PCDHA11: variants seen among roughly 807,000 people sequenced by gnomAD.
PCDHA11 encodes the protein protocadherin alpha 11.
In PCDHA11, 61 loss-of-function variants were observed where a neutral mutation model predicts 70.3. That is an observed-to-expected ratio of 0.87 (90% CI 0.71 to 1.07). PCDHA11 has a LOEUF of 1.07. Among genes scored for constraint, PCDHA11 ranks in the 50% least tolerant of loss-of-function variants. The pLI, the probability that PCDHA11 is intolerant of heterozygous loss-of-function variation, is 0.00. For missense variants in PCDHA11, 1,324 were observed against 1,237.5 expected (o/e 1.07, Z -1.05); for synonymous variants, 633 against 555.1 (o/e 1.14, Z -1.97).
In PCDHA11 at chr5:140,869,428, A is replaced by T; in HGVS notation, c.325A>T (p.Ile109Phe). 6.2e-7 allele frequency: 1 copy of T among 1,614,214 alleles called. No individual in the cohort carries two copies. The highest frequency in any genetic ancestry group is 8.5e-7 in the Non-Finnish European group (1 of 1,180,040). ...GGAGTGCAGCATCCACCTGGAGGTG[A>T]TCGTGGACAGGCCGCTGCAGGTTTT... ...SAECSIHLEV[I>F]VDRPLQVFHV... The change falls in exon 1 of 4, where the codon ATC becomes TTC. Residue 109 changes from isoleucine to phenylalanine, a missense_variant. Coordinates refer to ENST00000398640, the MANE Select transcript of PCDHA11 (RefSeq NM_018902.5).
At chr5:140,979,179 G>T in intron 2 of PCDHA11, 172 bp downstream of exon 2, 1 of 936,772 alleles carries the variant, frequency 1.1e-6, no homozygotes, top group Middle Eastern at 5.5e-4. Flanking sequence ...ATCGCAAATG[G>T]TCAGTGCCAG....
In PCDHA11 at chr5:140,982,542, A is replaced by T; in HGVS notation, c.2518A>T (p.Thr840Ser). 6.2e-7 allele frequency: 1 copy of T among 1,614,210 alleles called. No individual in the cohort carries two copies. Among genetic ancestry groups the T allele is most frequent in the Non-Finnish European group, 8.5e-7 (1 of 1,180,042 alleles). The change falls in exon 3 of 4, where the codon ACA becomes TCA. Residue 840 changes from threonine (T) to serine (S), a missense_variant. Transcript: ENST00000398640. ...AGGAGGGCCTGATCAGCAGTGGCCA[A>T]CAGTATCCAGTGCAACACCAGGTAA... is the stretch of plus-strand genomic sequence containing the variant. The part of the protein sequence containing the change: ...GPGGPDQQWP[T>S]VSSATPEPEA...
At chr5:140,973,586 C>T (rs1207651483) in intron 1 of PCDHA11, among the ~76,000 whole-genome samples, 2 of 152,176 alleles carry the variant, frequency 1.3e-5, no homozygotes, top group African/African-American at 4.8e-5. Context: ...GACTGCTGAG[C>T]CAGATGGAAT....
chr5:140,943,257 C>CAAAAA (rs1238620023), intron 1 of PCDHA11, among the ~76,000 whole-genome samples: 3 of 77,348 alleles, frequency 3.9e-5, no homozygotes, highest in Non-Finnish European at 5.0e-5. Context: ...GACTCTGTCT[C>CAAAAA]AAAAAAAAAA....
chr5:140,926,537 T>G, intron 1 of PCDHA11: 10 of 211,562 alleles, frequency 4.7e-5, no homozygotes, highest in Non-Finnish European at 7.4e-5. Flanking sequence ...GCAGCCAGCG[T>G]GGTGGTCGAG....
rs781810947 is a variant in PCDHA11 at position 140,869,346 on chromosome 5, T to G, written c.243T>G (p.Asn81Lys). 4.3e-6 allele frequency: 7 copies of G among 1,613,936 alleles called. No individual in the cohort carries two copies. Among genetic ancestry groups the G allele is most frequent in the East Asian group, 2.2e-5 (1 of 44,892 alleles). ...HGDLLEVNLQ[N>K]GILFVNSRID... ...ACCTTCTGGAGGTAAATCTGCAGAA[T>G]GGCATTTTGTTTGTGAATTCTCGGA... Residue 81 changes from asparagine to lysine, a missense_variant, in exon 1 of 4, where the codon AAT becomes AAG. Asn to Lys is a moderately conservative substitution (Grantham distance 94). Transcript: ENST00000398640.
intron 1 of PCDHA11, among the ~76,000 whole-genome samples, chr5:140,906,606 G>A (rs2072783004): frequency 6.6e-6 from 1 of 152,208 alleles, no homozygotes; most frequent in Non-Finnish European, 1.5e-5. Context: ...TACTCATTCT[G>A]TATTCCCTTT....
rs782184692 is a variant in PCDHA11 at position 140,871,122 on chromosome 5, G to A, written c.2019G>A (p.Gln673=). Residue 673 remains glutamine, a synonymous_variant, in exon 1 of 4, where the codon CAG becomes CAA. Coordinates refer to ENST00000398640, the MANE Select transcript of PCDHA11 (RefSeq NM_018902.5). ...TGGTGTCGTTGGTGGAGAGCGGACA[G>A]GCGCCAAAGGCCTCTTCCCGGACTT... ...TVLVSLVESG[Q]APKASSRTLA... is the part of the protein sequence containing the mutation. 2 of 1,613,344 alleles carry A rather than the reference G, an allele frequency of 1.2e-6. No homozygotes were observed. The highest frequency in any genetic ancestry group is 2.2e-5 in the South Asian group (2 of 91,074).
chr5:140,981,845 T>C (rs184071298), intron 2 of PCDHA11, among the ~76,000 whole-genome samples: 129 of 152,310 alleles, frequency 8.5e-4, no homozygotes, highest in Middle Eastern at 3.4e-3. Flanking sequence ...TCCCAGTTTG[T>C]ATCTCACTCC....
chr5:140,875,808 G>A (rs1554167962), intron 1 of PCDHA11: 1 of 1,614,226 alleles, frequency 6.2e-7, no homozygotes, highest in South Asian at 1.1e-5. Flanking sequence ...TCGTGGACAG[G>A]CCGCTGCAGG....
intron 1 of PCDHA11, among the ~76,000 whole-genome samples, chr5:140,961,280 CT>C (rs2153727915): frequency 6.6e-6 from 1 of 152,104 alleles, no homozygotes; most frequent in Admixed American, 6.5e-5. Flanking sequence ...TACCATGGCT[CT>C]GTTTCTTGAG....
chr5:140,960,849 A>G (rs1347970743), intron 1 of PCDHA11, among the ~76,000 whole-genome samples: 10 of 152,220 alleles, frequency 6.6e-5, no homozygotes, highest in African/African-American at 2.2e-4. Context: ...TTTAATGGCA[A>G]CTATAAGCCA....
chr5:140,950,100 A>G (rs964595718), intron 1 of PCDHA11, among the ~76,000 whole-genome samples: 1 of 151,910 alleles, frequency 6.6e-6, no homozygotes, highest in Non-Finnish European at 1.5e-5. Flanking sequence ...CATTTGTATT[A>G]AATCTCATAC....
chr5:140,993,266 T>G (rs1049781348), intron 3 of PCDHA11, among the ~76,000 whole-genome samples: 1 of 152,182 alleles, frequency 6.6e-6, no homozygotes, highest in Non-Finnish European at 1.5e-5. Flanking sequence ...AATTAGCTTC[T>G]TTGGTCTTTT....
chr5:141,001,842 A>G (rs574186951), intron 3 of PCDHA11, among the ~76,000 whole-genome samples: 108 of 152,288 alleles, frequency 7.1e-4, no homozygotes, highest in Non-Finnish European at 1.3e-3. Context: ...GGAGACAGAG[A>G]GAGAGGTTGA....
At chr5:140,924,906 T>A (rs199645977) in intron 1 of PCDHA11, among the ~76,000 whole-genome samples, 5,369 of 55,724 alleles carry the variant, frequency 0.096, 112 homozygotes, top group Non-Finnish European at 0.11. Context: ...AAAAAAAAAA[T>A]AAAATAAAAT....
At chr5:140,877,007 C>T in intron 1 of PCDHA11, 2 of 1,612,430 alleles carry the variant, frequency 1.2e-6, no homozygotes, top group Non-Finnish European at 1.7e-6. Context: ...TCGGTGCACG[C>T]GGAGAGCGGC....
chr5:140,968,807 G>C (rs1327580375), intron 1 of PCDHA11: 1 of 1,614,178 alleles, frequency 6.2e-7, no homozygotes, highest in Non-Finnish European at 8.5e-7. Flanking sequence ...AGTAGCTGTG[G>C]TGGATAGGGT....
rs372608018 is a variant in PCDHA11, at chr5:140,875,736, T to C, written c.2391+4242T>C. The C allele has an allele frequency of 2.5e-6, 4 of 1,614,088 alleles. No homozygotes were observed. The African/African-American group carries it at 4.0e-5, about 16-fold the overall frequency. ...AGAATGGCATTTTGTTTGTGAATTCTCGGATCGACCGCGAGAAGCTGTGCG... is the reference window on the plus strand; with the variant it reads ...AGAATGGCATTTTGTTTGTGAATTCCCGGATCGACCGCGAGAAGCTGTGCG... On this transcript the variant is annotated intron_variant, in intron 1 of 3. Transcript: ENST00000398640.
Sources: allele counts gnomAD v4.1 joint callset (sites outside exome capture counted in the v4.1 genomes callset), GRCh38; gene constraint gnomAD v4.1.1; transcripts MANE v1.5; gene names NCBI Gene and HGNC (gene_info 2026-07-23, HGNC 2026-07-21).